SLC4A4: variants seen among roughly 807,000 people sequenced by gnomAD.
The protein encoded by SLC4A4 is solute carrier family 4 member 4.
In SLC4A4, 27 loss-of-function variants were observed where a neutral mutation model predicts 111.5. That is an observed-to-expected ratio of 0.24 (90% CI 0.18 to 0.33). SLC4A4 has a LOEUF of 0.33. Ranked by LOEUF, SLC4A4 falls within the 10% of genes least tolerant of loss-of-function variation. The probability of loss-of-function intolerance (pLI) is 1.00; values close to 1 mark genes in which losing one functional copy is unlikely to be tolerated. For synonymous variants in SLC4A4, 443 were observed against 463.4 expected, an observed-to-expected ratio of 0.96 and a Z score of 0.57; for missense variants, 909 against 1,315.5, an observed-to-expected ratio of 0.69 and a Z score of 4.78.
At chr4:71,338,566 C>CT (rs1213292062) in intron 3 of SLC4A4, among the ~76,000 whole-genome samples, 3,663 of 135,430 alleles carry the variant, frequency 0.027, 54 homozygotes, top group Middle Eastern at 0.034. Context: ...TCTTCTTCTT[C>CT]TTTTTTTTTT....
intron 7 of SLC4A4, among the ~76,000 whole-genome samples, chr4:71,409,765 C>A (rs1158929802): frequency 6.6e-6 from 1 of 152,082 alleles, no homozygotes; most frequent in African/African-American, 2.4e-5. Context: ...CAGGCCATGT[C>A]AGAGACCTTC....
chr4:71,383,391 C>G (rs1038512598), intron 6 of SLC4A4, among the ~76,000 whole-genome samples: 3 of 152,162 alleles, frequency 2.0e-5, no homozygotes, highest in African/African-American at 7.2e-5. Flanking sequence ...TGCCTAAAGT[C>G]ATCACATACC....
intron 2 of SLC4A4, among the ~76,000 whole-genome samples, chr4:71,179,876 A>T (rs1745229450): frequency 6.6e-6 from 1 of 152,220 alleles, no homozygotes; most frequent in African/African-American, 2.4e-5. Flanking sequence ...GAACCAAAAA[A>T]AGAGCCCACA....
chr4:71,364,257 T>C (rs1196698680), intron 6 of SLC4A4, among the ~76,000 whole-genome samples: 1 of 152,232 alleles, frequency 6.6e-6, no homozygotes, highest in African/African-American at 2.4e-5. Flanking sequence ...ATTGTGGTTA[T>C]GAGCAATTTA....
In SLC4A4 at chr4:71,540,931, C is replaced by T. The variant is rs115221349; in HGVS notation, c.2443-5419C>T. On this transcript the variant is annotated intron_variant, in intron 18 of 25. Coordinates refer to ENST00000264485, the MANE Select transcript of SLC4A4 (RefSeq NM_001098484.3). ...TTCATTGAGATGAGGTCAAAGTTAACGGGGCCAGGTCACATGGAACAAAGT... is the reference window on the plus strand; with the variant it reads ...TTCATTGAGATGAGGTCAAAGTTAATGGGGCCAGGTCACATGGAACAAAGT... 4.1e-3 allele frequency among the ~76,000 whole-genome samples: 619 copies of T among 152,194 alleles called. 3 individuals are homozygous for T. Among genetic ancestry groups the T allele is most frequent in the Non-Finnish European group, 5.0e-3 (337 of 67,992 alleles).
At chr4:71,317,914 A>G (rs1272158045) in intron 3 of SLC4A4, among the ~76,000 whole-genome samples, 1 of 152,058 alleles carries the variant, frequency 6.6e-6, no homozygotes, top group Non-Finnish European at 1.5e-5. Flanking sequence ...TAAAGGAGAT[A>G]TGTTCATAAT....
At chr4:71,466,410 G>A (rs765632897) in intron 12 of SLC4A4, 34 bp from the exon 13 acceptor site, 19 of 1,612,362 alleles carry the variant, frequency 1.2e-5, no homozygotes, top group Non-Finnish European at 1.6e-5. Flanking sequence ...AAAAAGATGT[G>A]TTTCATTTAA....
chr4:71,156,703 T>C (rs1055637472), intron 2 of SLC4A4, among the ~76,000 whole-genome samples: 17 of 151,566 alleles, frequency 1.1e-4, no homozygotes, highest in African/African-American at 3.9e-4. Context: ...AAAAGATACA[T>C]AACATAACAG....
At chr4:71,129,075 T>C (rs553355158) in intron 2 of SLC4A4, among the ~76,000 whole-genome samples, 2 of 152,094 alleles carry the variant, frequency 1.3e-5, no homozygotes, top group African/African-American at 4.8e-5. Context: ...ATGAAGAAGA[T>C]GCCAAAAGCA....
chr4:71,399,011 T>G (rs1720104285), intron 7 of SLC4A4, among the ~76,000 whole-genome samples: 3 of 152,192 alleles, frequency 2.0e-5, no homozygotes, highest in Admixed American at 1.3e-4. Context: ...AGACTTTTTT[T>G]TTGTTGTCAT....
intron 8 of SLC4A4, among the ~76,000 whole-genome samples, chr4:71,445,633 C>T (rs1725157091): frequency 6.6e-6 from 1 of 152,144 alleles, no homozygotes; most frequent in Non-Finnish European, 1.5e-5. Flanking sequence ...GCATCTGCCC[C>T]TTTTCACCTA....
At position 71,128,652 on chromosome 4, in the gene SLC4A4, C is replaced by T. The variant is rs560748251; in HGVS notation, c.-2+35860C>T. ...TATGGGTGTGAACCACCGTGCCAAG[C>T]TAATTTTTGTATTTTTAGTAGAGAT... On this transcript the variant is annotated intron_variant, in intron 2 of 26. Coordinates refer to the SLC4A4 transcript ENST00000649996. 1.8e-4 allele frequency among the ~76,000 whole-genome samples: 28 copies of T among 152,202 alleles called. 1 individual carries two copies. Among genetic ancestry groups the T allele is most frequent in the African/African-American group, 6.3e-4 (26 of 41,534 alleles).
chr4:71,287,663 A>G (rs536815956), intron 3 of SLC4A4, among the ~76,000 whole-genome samples: 1 of 152,354 alleles, frequency 6.6e-6, no homozygotes, highest in South Asian at 2.1e-4. Context: ...CATTGACAGT[A>G]AAGTCTCATT....
intron 1 of SLC4A4, among the ~76,000 whole-genome samples, chr4:71,085,261 T>C (rs1742125742): frequency 6.6e-6 from 1 of 152,096 alleles, no homozygotes; most frequent in South Asian, 2.1e-4. Context: ...TGTTTGTTTT[T>C]TTCTTGTAAA....
At chr4:71,133,596 A>C (rs918142284) in intron 2 of SLC4A4, among the ~76,000 whole-genome samples, 1 of 152,224 alleles carries the variant, frequency 6.6e-6, no homozygotes, top group Admixed American at 6.5e-5. Flanking sequence ...GTGCAAACGC[A>C]GAAGTCCCAG....
chr4:71,351,435 G>A (rs1411803491), intron 5 of SLC4A4, among the ~76,000 whole-genome samples: 1 of 152,232 alleles, frequency 6.6e-6, no homozygotes, highest in African/African-American at 2.4e-5. Context: ...GAAATCTAGT[G>A]TCTGGACTTC....
At chr4:71,251,573 G>T (rs1307942917) in intron 2 of SLC4A4, among the ~76,000 whole-genome samples, 1 of 152,194 alleles carries the variant, frequency 6.6e-6, no homozygotes, top group Non-Finnish European at 1.5e-5. Flanking sequence ...AGAAAGGCAT[G>T]CAGGGTATTT....
At chr4:71,306,442 G>A (rs561604456) in intron 3 of SLC4A4, among the ~76,000 whole-genome samples, 13 of 151,908 alleles carry the variant, frequency 8.6e-5, no homozygotes, top group African/African-American at 2.4e-4. Context: ...TTAGCCAGAC[G>A]TGGTGGTGCT....
intron 3 of SLC4A4, among the ~76,000 whole-genome samples, chr4:71,322,763 C>T (rs2148868501): frequency 6.6e-6 from 1 of 152,056 alleles, no homozygotes; most frequent in East Asian, 1.9e-4. Flanking sequence ...AAGAAACTTT[C>T]AGGTCCTTCA....
Sources: allele counts gnomAD v4.1 joint callset (sites outside exome capture counted in the v4.1 genomes callset), GRCh38; gene constraint gnomAD v4.1.1; transcripts MANE v1.5; gene names NCBI Gene and HGNC (gene_info 2026-07-23, HGNC 2026-07-21).